STXBP3: variants seen among roughly 807,000 people sequenced by gnomAD.
The protein encoded by STXBP3 is syntaxin binding protein 3.
A neutral mutation model predicts 85.7 loss-of-function variants in STXBP3; 41 were observed. The ratio of observed to expected loss-of-function variants is 0.48; its 90% CI spans 0.37 to 0.62. The LOEUF is 0.62. Among genes scored for constraint, STXBP3 ranks in the 20% least tolerant of loss-of-function variants. The pLI is 0.00. For synonymous variants in STXBP3, 229 were observed against 231.7 expected (o/e 0.99, Z 0.10); for missense variants, 563 against 703.1 (o/e 0.80, Z 2.25).
chr1:108,771,794 C>A (rs1447586250), intron 6 of STXBP3, among the ~76,000 whole-genome samples: 3 of 25,752 alleles, frequency 1.2e-4, no homozygotes, highest in South Asian at 8.7e-4. Context: ...TGATATCTAT[C>A]TATATATATC....
At chr1:108,750,582 C>G (rs956013721) in intron 1 of STXBP3, among the ~76,000 whole-genome samples, 1 of 152,170 alleles carries the variant, frequency 6.6e-6, no homozygotes, top group Non-Finnish European at 1.5e-5. Flanking sequence ...TCACACCAAC[C>G]AGTTCTCCAA....
rs199832556 is a variant in STXBP3 at position 108,759,967 on chromosome 1, GT to G, written c.338-9del. On this transcript the variant is annotated splice_polypyrimidine_tract_variant and intron_variant, in intron 5 of 18. Transcript: ENST00000370008. ...AAATCTAGATGTAACTATATGCTTTGTTTTTTTTTCCCCTCAGTTTGCCCTG... is the reference window on the plus strand; with the variant it reads ...AAATCTAGATGTAACTATATGCTTTGTTTTTTTTCCCCTCAGTTTGCCCTG... 943 of 1,418,160 alleles carry G rather than the reference GT, an allele frequency of 6.6e-4. 7 individuals are homozygous for G. In the South Asian group the frequency reaches 0.01, roughly 15 times the overall value. 87.8% of individuals were successfully genotyped at this position (1,418,160 alleles called of 1,614,324 possible).
rs920145105 is a variant in STXBP3 at position 108,789,925 on chromosome 1, G to A, written c.964-3657G>A. ...TACTAAAAATACAAAAATTAGCCATGTGTGATGGCACACACCTGTGGCTCC... is the reference window on the plus strand; with the variant it reads ...TACTAAAAATACAAAAATTAGCCATATGTGATGGCACACACCTGTGGCTCC... On this transcript the variant is annotated intron_variant, in intron 11 of 18. Coordinates refer to ENST00000370008, the MANE Select transcript of STXBP3 (RefSeq NM_007269.4). Among the ~76,000 whole-genome samples the A allele has an allele frequency of 4.0e-5, 6 of 149,230 alleles. No individual in the cohort carries two copies. In the Admixed American group the frequency reaches 4.0e-4, roughly 10 times the overall value.
chr1:108,757,522 G>A (rs930924469), intron 4 of STXBP3, among the ~76,000 whole-genome samples: 1 of 151,454 alleles, frequency 6.6e-6, no homozygotes, highest in Non-Finnish European at 1.5e-5. Context: ...ATTCATGATT[G>A]GAAAAAAAAA....
chr1:108,803,637 C>CTG (rs1363750437), intron 17 of STXBP3, among the ~76,000 whole-genome samples: 2 of 152,154 alleles, frequency 1.3e-5, no homozygotes, highest in Non-Finnish European at 2.9e-5. Flanking sequence ...TACAGATGTG[C>CTG]ACCACCACAC....
intron 6 of STXBP3, among the ~76,000 whole-genome samples, chr1:108,771,620 C>A (rs375332251): frequency 0.029 from 384 of 13,238 alleles, 25 homozygotes; most frequent in Non-Finnish European, 0.039. Flanking sequence ...TGATATATAT[C>A]TATATATCAT....
At chr1:108,794,231 A>G (rs374882903) in intron 12 of STXBP3, among the ~76,000 whole-genome samples, 20 of 152,184 alleles carry the variant, frequency 1.3e-4, no homozygotes, top group Admixed American at 7.9e-4. Flanking sequence ...CAACAATTCA[A>G]TGCTTCCATC....
chr1:108,807,802 C>T (rs911760108), intron 18 of STXBP3, among the ~76,000 whole-genome samples: 7 of 152,074 alleles, frequency 4.6e-5, no homozygotes, highest in African/African-American at 1.7e-4. Flanking sequence ...GTCTCAAACT[C>T]CTGACCTTAG....
intron 18 of STXBP3, among the ~76,000 whole-genome samples, chr1:108,808,518 C>T (rs1663389574): frequency 6.6e-6 from 1 of 152,150 alleles, no homozygotes; most frequent in African/African-American, 2.4e-5. Flanking sequence ...TCCCGTTTTG[C>T]CCTTCATTAT....
At chr1:108,771,368 CTATATA>C (rs1188928924) in intron 6 of STXBP3, among the ~76,000 whole-genome samples, 1 of 97,758 alleles carries the variant, frequency 1.0e-5, no homozygotes, top group African/African-American at 4.3e-5. Flanking sequence ...TGATATATAT[CTATATA>C]TATATAATAT....
At chr1:108,750,402 ATCC>A (rs1661875070) in intron 1 of STXBP3, among the ~76,000 whole-genome samples, 1 of 152,126 alleles carries the variant, frequency 6.6e-6, no homozygotes. Context: ...TAACACTATA[ATCC>A]TCCTAGCAAA....
intron 1 of STXBP3, among the ~76,000 whole-genome samples, chr1:108,748,291 T>C (rs1004423): frequency 0.7 from 107,218 of 152,128 alleles, 38,773 homozygotes; most frequent in Non-Finnish European, 0.77. Flanking sequence ...CCCAACACTT[T>C]GGGAGGCCGG....
At chr1:108,779,521 A>G in intron 9 of STXBP3, 111 bp downstream of exon 9, 16 of 1,128,664 alleles carry the variant, frequency 1.4e-5, no homozygotes, top group Non-Finnish European at 1.8e-5. Flanking sequence ...AACCTTTTCT[A>G]TTCAGAGACT....
chr1:108,774,031 C>G (rs1662530815), intron 7 of STXBP3, among the ~76,000 whole-genome samples: 1 of 152,102 alleles, frequency 6.6e-6, no homozygotes, highest in Non-Finnish European at 1.5e-5. Context: ...CCTTTTCTTC[C>G]CTAGAGATGA....
rs780218073 is a variant in STXBP3, at chr1:108,809,018, T to C, written c.*141T>C. ...CAAATACATTTCTTAAGGAACTGTT[T>C]ATGATTATTACTGGATTTGTCATTT... On this transcript the variant is annotated 3_prime_UTR_variant, in exon 19 of 19. Coordinates refer to ENST00000370008, the MANE Select transcript of STXBP3 (RefSeq NM_007269.4). 11 of 574,320 alleles carry C rather than the reference T, an allele frequency of 1.9e-5. No individual in the cohort carries two copies. The South Asian group carries it at 1.9e-4, about 10-fold the overall frequency. 35.6% of individuals were successfully genotyped at this position (574,320 alleles called of 1,614,324 possible).
At chr1:108,751,610 A>G (rs2101101156) in intron 1 of STXBP3, among the ~76,000 whole-genome samples, 1 of 152,254 alleles carries the variant, frequency 6.6e-6, no homozygotes, top group East Asian at 1.9e-4. Flanking sequence ...TTAATAAAAC[A>G]TAGTGTGGGA....
At chr1:108,752,979 T>TATAA (rs1661936432) in intron 2 of STXBP3, 84 bp from the exon 3 acceptor site, 2 of 1,038,260 alleles carry the variant, frequency 1.9e-6, no homozygotes, top group Admixed American at 5.8e-5. Flanking sequence ...ATAAAAGGCT[T>TATAA]ATAAAGTTTA....
Position 108,798,406 on chromosome 1 carries a change from CT to C in STXBP3, c.1449+190del, listed in dbSNP as rs781000610. 5.9e-3 allele frequency among the ~76,000 whole-genome samples: 603 copies of C among 101,564 alleles called. 1 individual carries two copies. The highest frequency in any genetic ancestry group is 0.018 in the African/African-American group (494 of 27,600). 66.6% of individuals were successfully genotyped at this position (101,564 alleles called of 152,430 possible). A position where few individuals can be genotyped will look rare whatever the true frequency, so the allele number is the denominator to read the frequency against. ...TGGGAAACTCTTGAAGATTCTTCTT[CT>C]TTTTTTTTTTTTTTTTTTTTCTTTT... On this transcript the variant is annotated intron_variant, in intron 16 of 18. Transcript: ENST00000370008.
chr1:108,771,684 ATC>A lies in STXBP3; in HGVS notation c.439-979_439-978del, dbSNP rs574867770. On this transcript the variant is annotated intron_variant, in intron 6 of 18. Transcript: ENST00000370008. ...TATATCATATATAAATATATATGAT[ATC>A]TATCTATATATATCATATATAAATA... Among the ~76,000 whole-genome samples, 33 of 12,932 alleles carry A rather than the reference ATC, an allele frequency of 2.6e-3. 12 individuals are homozygous for A. Among genetic ancestry groups the A allele is most frequent in the African/African-American group, 5.5e-3 (20 of 3,622 alleles). 8.5% of individuals were successfully genotyped at this position (12,932 alleles called of 152,430 possible). A position where few individuals can be genotyped will look rare whatever the true frequency, so the allele number is the denominator to read the frequency against.
Sources: gnomAD v4.1 joint callset for allele counts (sites outside exome capture counted in the v4.1 genomes callset) on GRCh38, gnomAD v4.1.1 for gene constraint, MANE v1.5 for transcripts, NCBI Gene and HGNC (gene_info 2026-07-23, HGNC 2026-07-21) for gene names.